Variants in DPP6 observed in about 807,000 individuals in gnomAD.
DPP6 encodes the protein A-type potassium channel modulatory protein DPP6.
In DPP6, 69 loss-of-function variants were observed where a neutral mutation model predicts 122.6. The observed-to-expected ratio is 0.56, with a 90% CI of 0.46 to 0.69. The LOEUF (loss-of-function observed/expected upper bound fraction) is 0.69. Ranked by LOEUF, DPP6 falls within the 30% of genes least tolerant of loss-of-function variation. DPP6 has a pLI of 0.00. For synonymous variants in DPP6, 418 were observed against 433.1 expected (o/e 0.97, Z 0.43); for missense variants, 928 against 1,116.9 (o/e 0.83, Z 2.41).
chr7:153,884,461 A>G (rs984411862), upstream of DPP6, among the ~76,000 whole-genome samples: 1 of 152,204 alleles, frequency 6.6e-6, no homozygotes, highest in African/African-American at 2.4e-5. Flanking sequence ...ATTGTGGAAG[A>G]CAGTATGGCG....
At chr7:154,363,404 G>A (rs1047310843) in intron 1 of DPP6, among the ~76,000 whole-genome samples, 2 of 152,198 alleles carry the variant, frequency 1.3e-5, no homozygotes, top group African/African-American at 4.8e-5. Flanking sequence ...GTTTGGGGAA[G>A]TTGCTGAAGA....
intron 1 of DPP6, among the ~76,000 whole-genome samples, chr7:153,958,040 T>C (rs1795146496): frequency 6.6e-6 from 1 of 152,102 alleles, no homozygotes; most frequent in African/African-American, 2.4e-5. Context: ...GGTGGGCGTC[T>C]GTAATCCCAG....
At chr7:154,289,822 G>A (rs904205584) in intron 1 of DPP6, among the ~76,000 whole-genome samples, 5 of 152,134 alleles carry the variant, frequency 3.3e-5, no homozygotes, top group African/African-American at 7.2e-5. Flanking sequence ...GGCAGTCCTG[G>A]CGTTATGCCA....
At chr7:154,881,006 C>T (rs556109486) in intron 21 of DPP6, 64 bp downstream of exon 21, 20 of 1,560,682 alleles carry the variant, frequency 1.3e-5, no homozygotes, top group African/African-American at 5.4e-5. Flanking sequence ...CCATTACCCA[C>T]GTCTAATCCT....
chr7:154,186,484 TG>T (rs1318508885), intron 1 of DPP6, among the ~76,000 whole-genome samples: 2 of 152,256 alleles, frequency 1.3e-5, no homozygotes, highest in African/African-American at 4.8e-5. Context: ...CTCCCTCAGT[TG>T]TATTTGGAAG....
At chr7:154,263,139 G>A (rs990817205) in intron 1 of DPP6, among the ~76,000 whole-genome samples, 9 of 152,182 alleles carry the variant, frequency 5.9e-5, no homozygotes, top group Non-Finnish European at 1.2e-4. Context: ...AAAGTCTAGA[G>A]TAAGAAACCT....
Position 154,157,762 on chromosome 7 carries a change from C to T in DPP6, c.243+104699C>T, listed in dbSNP as rs183632398. On this transcript the variant is annotated intron_variant, in intron 1 of 25. Transcript: ENST00000377770. ...CAGCCTGACCAACATGGAGAAACTC[C>T]GTCTCTACTAAAAATGCAAAATTAG... Among the ~76,000 whole-genome samples the T allele has an allele frequency of 7.0e-3, 1,056 of 151,916 alleles. 13 individuals are homozygous for T. The highest frequency in any genetic ancestry group is 0.014 in the South Asian group (66 of 4,806).
the DPP6 span, among the ~76,000 whole-genome samples, chr7:153,821,384 ATATT>A: frequency 1.5e-5 from 2 of 135,026 alleles, no homozygotes; most frequent in Admixed American, 8.0e-5. Flanking sequence ...TTGTTTTAGT[ATATT>A]TATTTATGAT....
chr7:153,857,179 A>G, the DPP6 span, among the ~76,000 whole-genome samples: 2 of 152,312 alleles, frequency 1.3e-5, no homozygotes, highest in South Asian at 2.1e-4. Flanking sequence ...TTAGGTCACA[A>G]TCTGGACTAA....
chr7:154,794,315 C>A, intron 11 of DPP6, 113 bp downstream of exon 11: 3 of 1,368,720 alleles, frequency 2.2e-6, no homozygotes, highest in South Asian at 1.8e-5. Context: ...GGGGACCGGC[C>A]GCCCAGCTGC....
chr7:153,867,247 G>A, the DPP6 span, among the ~76,000 whole-genome samples: 1 of 152,100 alleles, frequency 6.6e-6, no homozygotes, highest in Non-Finnish European at 1.5e-5. Context: ...GGGCAGTATG[G>A]CCATTTTCAC....
chr7:153,837,697 A>G, the DPP6 span, among the ~76,000 whole-genome samples: 2 of 151,684 alleles, frequency 1.3e-5, no homozygotes, highest in Admixed American at 1.3e-4. Context: ...CTTTGTTTTT[A>G]TTTTTGTTTT....
At chr7:154,092,777 A>T (rs1275028701) in intron 1 of DPP6, 1 of 151,944 alleles carries the variant, frequency 6.6e-6, no homozygotes, top group Admixed American at 6.6e-5. Context: ...GACTATATTC[A>T]TATCTTTTGA....
intron 16 of DPP6, among the ~76,000 whole-genome samples, chr7:154,819,817 G>A (rs184281518): frequency 2.6e-5 from 4 of 152,312 alleles, no homozygotes; most frequent in Admixed American, 2.0e-4. Context: ...AGACACAAGG[G>A]AATGTAACAT....
chr7:154,288,168 G>T (rs999429312), intron 1 of DPP6, among the ~76,000 whole-genome samples: 1 of 152,164 alleles, frequency 6.6e-6, no homozygotes, highest in African/African-American at 2.4e-5. Flanking sequence ...TTGGAGAGAG[G>T]GTCATTCCTG....
chr7:154,198,400 C>T (rs1255373939), intron 1 of DPP6, among the ~76,000 whole-genome samples: 1 of 152,072 alleles, frequency 6.6e-6, no homozygotes, highest in Non-Finnish European at 1.5e-5. Context: ...CAACCTCCAC[C>T]TCCTGGGTTC....
chr7:154,540,962 C>G (rs1440047183), intron 4 of DPP6, among the ~76,000 whole-genome samples: 1 of 152,138 alleles, frequency 6.6e-6, no homozygotes, highest in Non-Finnish European at 1.5e-5. Context: ...GGAGAATTTG[C>G]TCAATCCTGT....
chr7:154,633,874 G>A (rs890465726), intron 5 of DPP6, among the ~76,000 whole-genome samples: 5 of 152,086 alleles, frequency 3.3e-5, no homozygotes, highest in East Asian at 1.9e-4. Flanking sequence ...GCACTTCCAC[G>A]CTGAAGCCTT....
rs1289489928 is a variant in DPP6, at chr7:154,634,499, T to TA, written c.628-3321dup. Among the ~76,000 whole-genome samples the TA allele has an allele frequency of 2.0e-5, 3 of 152,186 alleles. No homozygotes were observed. The East Asian group carries it at 5.8e-4, about 29-fold the overall frequency. The stretch of plus-strand genomic sequence containing the variant: ...TGCACATGTATGTTTCAGCCTTTCT[T>TA]ATAGGCGATTCCATTTTCCAGATAT... On this transcript the variant is annotated intron_variant, in intron 5 of 25. Coordinates refer to ENST00000377770, the MANE Select transcript of DPP6 (RefSeq NM_130797.4).
Sources: allele counts gnomAD v4.1 joint callset (sites outside exome capture counted in the v4.1 genomes callset), GRCh38; gene constraint gnomAD v4.1.1; transcripts MANE v1.5; gene names NCBI Gene and HGNC (gene_info 2026-07-23, HGNC 2026-07-21).